Variants in ANKRD29 observed in about 807,000 individuals in gnomAD.
ANKRD29 encodes ankyrin repeat domain-containing protein 29.
In ANKRD29, 32 loss-of-function variants were observed where a neutral mutation model predicts 38.0. The ratio of observed to expected loss-of-function variants is 0.84; its 90% confidence interval spans 0.64 to 1.13. ANKRD29 has a LOEUF of 1.13. Among genes scored for constraint, ANKRD29 ranks in the 50% most tolerant of loss-of-function variants. ANKRD29 has a pLI of 0.00. For missense variants in ANKRD29, 357 were observed against 377.9 expected (o/e 0.94, Z 0.46); for synonymous variants, 135 against 152.4 (o/e 0.89, Z 0.84).
At chr18:23,623,936 T>C (rs1316413487) in intron 6 of ANKRD29, among the ~76,000 whole-genome samples, 1 of 151,636 alleles carries the variant, frequency 6.6e-6, no homozygotes, top group Admixed American at 6.6e-5. Context: ...AGCCACCGCG[T>C]CTGGCGATTT....
intron 1 of ANKRD29, chr18:23,649,500 GC>G (rs2060183958): frequency 1.7e-6 from 1 of 590,124 alleles, no homozygotes; most frequent in African/African-American, 1.8e-5. Context: ...TTTCCTTTTT[GC>G]TTGAAATGAA....
At chr18:23,608,989 A>C (rs2059607231) in intron 9 of ANKRD29, among the ~76,000 whole-genome samples, 1 of 152,010 alleles carries the variant, frequency 6.6e-6, no homozygotes, top group African/African-American at 2.4e-5. Flanking sequence ...AGCTACTCGG[A>C]AGGCTGAGGC....
At chr18:23,662,407 C>T (rs1285403888) in intron 1 of ANKRD29, among the ~76,000 whole-genome samples, 2 of 152,306 alleles carry the variant, frequency 1.3e-5, no homozygotes, top group South Asian at 2.1e-4. Context: ...CTTACCCGCC[C>T]CCGACCTGTT....
Position 23,617,790 on chromosome 18 carries a change from C to A in ANKRD29, c.665G>T (p.Gly222Val). ...TTALLKAANK[G>V]YNDVIKELLK... ...CAACTCTTTTATGACATCATTATACCCTTTGTTGGCTGCTTTCAATAATGC... is the reference window on the plus strand; with the variant it reads ...CAACTCTTTTATGACATCATTATACACTTTGTTGGCTGCTTTCAATAATGC... The change falls in exon 8 of 10, where the codon GGG (glycine) becomes GTG (valine). Residue 222 changes from glycine to valine, a missense_variant. Coordinates refer to ENST00000592179, the MANE Select transcript of ANKRD29 (RefSeq NM_173505.4). 11 of 1,613,944 alleles carry A rather than the reference C, an allele frequency of 6.8e-6. No homozygotes were observed. Among genetic ancestry groups the A allele is most frequent in the Non-Finnish European group, 8.5e-6 (10 of 1,179,962 alleles).
chr18:23,638,832 C>A lies in ANKRD29; in HGVS notation c.330+17G>T. 1 of 1,589,994 alleles carries A rather than the reference C, an allele frequency of 6.3e-7. No homozygotes were observed. The highest frequency in any genetic ancestry group is 1.1e-5 in the South Asian group (1 of 87,642). On this transcript the variant is annotated intron_variant, in intron 4 of 9. Transcript: ENST00000592179. ...GAAATTCTTCAACATAATACAAAAT[C>A]AAGAAGGTTATCTCACTTTGGTCCT...
intron 1 of ANKRD29, among the ~76,000 whole-genome samples, chr18:23,656,267 T>C (rs2060282646): frequency 6.6e-6 from 1 of 151,914 alleles, no homozygotes; most frequent in Non-Finnish European, 1.5e-5. Context: ...AAAGGAGTCA[T>C]GTAGCTCAGA....
At position 23,646,281 on chromosome 18, in the gene ANKRD29, T is replaced by G. The variant is rs779493895; in HGVS notation, c.139A>C (p.Thr47Pro). The part of the protein sequence containing the change: ...VDVDCRDSHG[T>P]TLLMVAAYAG... ...TAGGCAGCAACCATCAGGAGTGTGG[T>G]GCCATGCTGGATGGAGGAGAGACAG... The change falls in exon 3 of 10, where the codon ACC becomes CCC. Residue 47 changes from threonine to proline, a missense_variant. Coordinates refer to ENST00000592179, the MANE Select transcript of ANKRD29 (RefSeq NM_173505.4). 1 of 1,613,814 alleles carries G rather than the reference T, an allele frequency of 6.2e-7. No individual in the cohort carries two copies. The highest frequency in any genetic ancestry group is 8.5e-7 in the Non-Finnish European group (1 of 1,179,986).
At chr18:23,604,457 T>C (rs2059551056) in intron 9 of ANKRD29, among the ~76,000 whole-genome samples, 1 of 152,206 alleles carries the variant, frequency 6.6e-6, no homozygotes, top group Non-Finnish European at 1.5e-5. Context: ...ATCATCTGGA[T>C]GTCAGCTTCT....
chr18:23,617,714 T>C lies in ANKRD29; in HGVS notation c.723+18A>G. On this transcript the variant is annotated intron_variant, in intron 8 of 9. Coordinates refer to ENST00000592179, the MANE Select transcript of ANKRD29 (RefSeq NM_173505.4). ...ACCTCTCTCTTACAGATTAGTAAAATTTATCTTTAGGTCTTACCTTCAAAA... is the reference window on the plus strand; with the variant it reads ...ACCTCTCTCTTACAGATTAGTAAAACTTATCTTTAGGTCTTACCTTCAAAA... 1 of 1,605,168 alleles carries C rather than the reference T, an allele frequency of 6.2e-7. No homozygotes were observed. The highest frequency in any genetic ancestry group is 8.5e-7 in the Non-Finnish European group (1 of 1,172,030).
intron 6 of ANKRD29, 60 bp from the exon 7 acceptor site, chr18:23,619,689 G>A: frequency 7.0e-7 from 1 of 1,426,916 alleles, no homozygotes; most frequent in South Asian, 1.3e-5. Context: ...CCCGCTCACA[G>A]AACGTCTTTA....
chr18:23,613,095 CTT>C (rs993720934), intron 8 of ANKRD29, among the ~76,000 whole-genome samples: 3 of 150,810 alleles, frequency 2.0e-5, no homozygotes, highest in African/African-American at 7.3e-5. Flanking sequence ...ATTCACTACT[CTT>C]GTAACAATTT....
chr18:23,602,817 T>C (rs1018766302), intron 9 of ANKRD29, among the ~76,000 whole-genome samples: 2 of 151,944 alleles, frequency 1.3e-5, no homozygotes, highest in Non-Finnish European at 2.9e-5. Context: ...GAGAAAATTT[T>C]AAAAATATAT....
At chr18:23,605,891 T>TA (rs778727283) in intron 9 of ANKRD29, among the ~76,000 whole-genome samples, 3 of 152,204 alleles carry the variant, frequency 2.0e-5, no homozygotes, top group African/African-American at 4.8e-5. Context: ...GACATATTTT[T>TA]ACTGCTTCAT....
At chr18:23,659,057 C>T (rs1003933380) in intron 1 of ANKRD29, among the ~76,000 whole-genome samples, 7 of 152,256 alleles carry the variant, frequency 4.6e-5, no homozygotes. Context: ...TCTTGGCTCA[C>T]TGCAACCTCT....
intron 2 of ANKRD29, chr18:23,648,735 T>G: frequency 2.5e-6 from 1 of 403,882 alleles, no homozygotes; most frequent in Non-Finnish European, 4.3e-6. Context: ...GGCAGCCCAC[T>G]TGTGCTCTAA....
At chr18:23,653,236 A>G (rs538678099) in intron 1 of ANKRD29, among the ~76,000 whole-genome samples, 3 of 152,308 alleles carry the variant, frequency 2.0e-5, no homozygotes, top group African/African-American at 7.2e-5. Context: ...TGTATGACTG[A>G]GATAATTATT....
intron 1 of ANKRD29, among the ~76,000 whole-genome samples, chr18:23,661,373 A>C (rs1025940928): frequency 6.6e-6 from 1 of 152,224 alleles, no homozygotes; most frequent in Admixed American, 6.5e-5. Context: ...TTTTATCTTT[A>C]TCTCTCTTGC....
At chr18:23,622,300 G>T (rs747692039) in intron 6 of ANKRD29, among the ~76,000 whole-genome samples, 23 of 152,124 alleles carry the variant, frequency 1.5e-4, no homozygotes, top group Middle Eastern at 3.2e-3. Flanking sequence ...AGCCAGAGGG[G>T]TGCGGGTGGG....
intron 5 of ANKRD29, among the ~76,000 whole-genome samples, chr18:23,630,402 G>A (rs1232098272): frequency 6.6e-6 from 1 of 151,532 alleles, no homozygotes; most frequent in Admixed American, 6.6e-5. Flanking sequence ...TTCCAGCCTG[G>A]GCAAAAGAGC....
Sources: allele counts gnomAD v4.1 joint callset (sites outside exome capture counted in the v4.1 genomes callset), GRCh38; gene constraint gnomAD v4.1.1; transcripts MANE v1.5; gene names NCBI Gene and HGNC (gene_info 2026-07-23, HGNC 2026-07-21).